Variants in LRRC8E observed in about 807,000 individuals in gnomAD.
The protein encoded by LRRC8E is leucine rich repeat containing 8 VRAC subunit E, also known as volume-regulated anion channel subunit LRRC8E.
LRRC8E carries 6 observed loss-of-function variants against 6.1 expected under a neutral mutation model. The observed-to-expected ratio is 0.98, with a 90% CI of 0.54 to 1.93. LRRC8E has a LOEUF of 1.93. LRRC8E is among the 30% of genes most tolerant of loss of function. The pLI, the probability that LRRC8E is intolerant of heterozygous loss-of-function variation, is 0.01. For missense variants in LRRC8E, 1,028 were observed against 1,031.4 expected, an observed-to-expected ratio of 1.00 and a Z score of 0.04; for synonymous variants, 485 against 472.8, an observed-to-expected ratio of 1.03 and a Z score of -0.33.
At chr19:7,890,304 G>A (rs942895330) in intron 1 of LRRC8E, among the ~76,000 whole-genome samples, 2 of 151,834 alleles carry the variant, frequency 1.3e-5, no homozygotes, top group Non-Finnish European at 2.9e-5. Flanking sequence ...GGAGCCACAT[G>A]GTCTCAGGCT....
In LRRC8E at chr19:7,900,862, G is replaced by C. The variant is rs1380790350; in HGVS notation, c.2340G>C (p.Thr780=). The change falls in exon 3 of 3, where the codon ACG becomes ACC. Residue 780 remains threonine (T), a synonymous_variant. Transcript: ENST00000306708. This position sits in a 1 kb window ranked among gnomAD's most constrained non-coding sequence, Gnocchi z 5.0. The part of the protein sequence containing the change: ...LKKAGLLVED[T]LYQGLPAEVR... ...AGGCGGGGCTCCTGGTGGAAGACAC[G>C]CTTTACCAGGGTCTGCCGGCAGAAG... 1 of 1,544,854 alleles carries C rather than the reference G, an allele frequency of 6.5e-7. No individual in the cohort carries two copies.
In LRRC8E at chr19:7,895,567, C is replaced by T. The variant is rs758009916; in HGVS notation, c.-5-32C>T. ...AGAGCCTCCCATCCTGAGGGTCTCT[C>T]TCTACACCCCCCGTCTCGTCCCGTC... On this transcript the variant is annotated intron_variant, in intron 1 of 2. Coordinates refer to ENST00000306708, the MANE Select transcript of LRRC8E (RefSeq NM_025061.6). The surrounding 1 kb of genome is among the most constrained non-coding windows in gnomAD (Gnocchi z 4.7). 117 of 1,600,266 alleles carry T rather than the reference C, an allele frequency of 7.3e-5. 1 individual carries two copies. The East Asian group carries it at 2.6e-3, about 35-fold the overall frequency.
At chr19:7,891,547 T>TG (rs1568262044) in intron 1 of LRRC8E, among the ~76,000 whole-genome samples, 13,512 of 91,464 alleles carry the variant, frequency 0.15, 844 homozygotes, top group Middle Eastern at 0.2. Flanking sequence ...GTGTGTGTGT[T>TG]TGTGTGTGTG....
In LRRC8E at chr19:7,900,455, G is replaced by C. The variant is rs373577606; in HGVS notation, c.1933G>C (p.Val645Leu). The stretch of plus-strand genomic sequence containing the variant: ...GCTGTGGCACAACCAGATCGCCTAC[G>C]TCCCTGAGCACGTGCGGAAGCTCAG... ...LRLWHNQIAY[V>L]PEHVRKLRSL... is the part of the protein sequence containing the mutation. Residue 645 changes from valine (V) to leucine (L), a missense_variant, in exon 3 of 3, where the codon GTC (valine) becomes CTC (leucine). Val to Leu is a conservative substitution (Grantham distance 32). Coordinates refer to ENST00000306708, the MANE Select transcript of LRRC8E (RefSeq NM_025061.6). This position sits in a 1 kb window ranked among gnomAD's most constrained non-coding sequence, Gnocchi z 5.0. 6.2e-7 allele frequency: 1 copy of C among 1,612,944 alleles called. No homozygotes were observed. The highest frequency in any genetic ancestry group is 8.5e-7 in the Non-Finnish European group (1 of 1,179,990).
In LRRC8E at chr19:7,898,940, C is replaced by T. The variant is rs1470300151; in HGVS notation, c.418C>T (p.Pro140Ser). The T allele has an allele frequency of 6.2e-7, 1 of 1,614,214 alleles. No individual in the cohort carries two copies. ...CTGCACCAGTTTCTGGTTCAAGTTCCCTGGCACCAGCTCCAAGATTGAACA... is the reference window on the plus strand; with the variant it reads ...CTGCACCAGTTTCTGGTTCAAGTTCTCTGGCACCAGCTCCAAGATTGAACA... ...MVCTSFWFKF[P>S]GTSSKIEHFI... The change falls in exon 3 of 3, where the codon CCT becomes TCT. Residue 140 changes from proline to serine, a missense_variant. Transcript: ENST00000306708.
intron 1 of LRRC8E, among the ~76,000 whole-genome samples, chr19:7,889,497 C>T (rs1239488453): frequency 2.0e-5 from 3 of 150,860 alleles, no homozygotes; most frequent in Admixed American, 6.6e-5. Flanking sequence ...AATCCCAGCA[C>T]TTTGGGAGGC....
rs5826988 is a variant in LRRC8E at position 7,901,019 on chromosome 19, TG to T, written c.*114del. 95 of 354,470 alleles carry T rather than the reference TG, an allele frequency of 2.7e-4. 1 individual carries two copies. The highest frequency in any genetic ancestry group is 9.0e-4 in the Middle Eastern group (1 of 1,110). 22.0% of individuals were successfully genotyped at this position (354,470 alleles called of 1,614,324 possible). ...AGCCAAGTGGGTCCAGGCCAGGAGA[TG>T]GGGGGGGCGGGGGCAGCTGTGTCAT... On this transcript the variant is annotated 3_prime_UTR_variant, in exon 3 of 3. Transcript: ENST00000306708.
rs1466408128 is a variant in LRRC8E at position 7,900,190 on chromosome 19, T to C, written c.1668T>C (p.Val556=). The C allele has an allele frequency of 2.5e-6, 4 of 1,612,846 alleles. No individual in the cohort carries two copies. The highest frequency in any genetic ancestry group is 3.4e-6 in the Non-Finnish European group (4 of 1,179,852). ...AGGTGCCAGCCAGTGTGACCGACGT[T>C]GCTGGCCACCTGCAGAGGCTCAGCC... ...AGKVPASVTD[V]AGHLQRLSLH... Residue 556 remains valine, a synonymous_variant, in exon 3 of 3, where the codon GTT becomes GTC. Transcript: ENST00000306708. The surrounding 1 kb of genome is among the most constrained non-coding windows in gnomAD (Gnocchi z 5.0).
At chr19:7,896,735 AG>A (rs1210576363) in intron 2 of LRRC8E, among the ~76,000 whole-genome samples, 4 of 152,090 alleles carry the variant, frequency 2.6e-5, no homozygotes, top group Non-Finnish European at 5.9e-5. Context: ...CTGGGATTAC[AG>A]GCACACACCA....
Position 7,900,951 on chromosome 19 carries a change from T to C in LRRC8E, c.*38T>C. 1.4e-6 allele frequency: 2 copies of C among 1,444,146 alleles called. No individual in the cohort carries two copies. The highest frequency in any genetic ancestry group is 1.8e-6 in the Non-Finnish European group (2 of 1,087,530). 89.5% of individuals were successfully genotyped at this position (1,444,146 alleles called of 1,614,324 possible). On this transcript the variant is annotated 3_prime_UTR_variant, in exon 3 of 3. Coordinates refer to ENST00000306708, the MANE Select transcript of LRRC8E (RefSeq NM_025061.6). The surrounding 1 kb of genome is among the most constrained non-coding windows in gnomAD (Gnocchi z 5.0). Reference sequence around the variant, plus strand: ...GCCGTTTTAGGTAGAGCCTTAAAAATGCTTCTGCCCTGGAATCTCAACCAT... The same window carrying C: ...GCCGTTTTAGGTAGAGCCTTAAAAACGCTTCTGCCCTGGAATCTCAACCAT...
In LRRC8E at chr19:7,895,474, G is replaced by T; in HGVS notation, c.-5-125G>T. 1 of 1,217,946 alleles carries T rather than the reference G, an allele frequency of 8.2e-7. No homozygotes were observed. Among genetic ancestry groups the T allele is most frequent in the South Asian group, 1.4e-5 (1 of 71,820 alleles). The allele number at this position is 1,217,946 out of a possible 1,614,324, so 75.4% of individuals were successfully genotyped here. A position where few individuals can be genotyped will look rare whatever the true frequency, so the allele number is the denominator to read the frequency against. On this transcript the variant is annotated intron_variant, in intron 1 of 2. Coordinates refer to ENST00000306708, the MANE Select transcript of LRRC8E (RefSeq NM_025061.6). This position sits in a 1 kb window ranked among gnomAD's most constrained non-coding sequence, Gnocchi z 4.7. ...GGAAGTGGGGGCACACACTTTGGTG[G>T]TTTGGACAAGTTTGGGCAGGGAGGG...
Position 7,900,182 on chromosome 19 carries a change from A to G in LRRC8E, c.1660A>G (p.Thr554Ala). Residue 554 changes from threonine (T) to alanine (A), a missense_variant, in exon 3 of 3, where the codon ACC becomes GCC. Coordinates refer to ENST00000306708, the MANE Select transcript of LRRC8E (RefSeq NM_025061.6). This position sits in a 1 kb window ranked among gnomAD's most constrained non-coding sequence, Gnocchi z 5.0. ...SNAGKVPASV[T>A]DVAGHLQRLS... ...CGCCGGGAAGGTGCCAGCCAGTGTG[A>G]CCGACGTTGCTGGCCACCTGCAGAG... 1 of 1,612,970 alleles carries G rather than the reference A, an allele frequency of 6.2e-7. No individual in the cohort carries two copies. The highest frequency in any genetic ancestry group is 1.3e-5 in the African/African-American group (1 of 75,014).
In LRRC8E at chr19:7,899,522, C is replaced by CT; in HGVS notation, c.1001dup (p.Phe335LeufsTer24). 1 of 1,614,026 alleles carries CT rather than the reference C, an allele frequency of 6.2e-7. No individual in the cohort carries two copies. Among genetic ancestry groups the CT allele is most frequent in the Non-Finnish European group, 8.5e-7 (1 of 1,180,044 alleles). ...TACCTGCATCTACACGCTCTACTGG[C>CT]TCTTCCACCGGCCCCTCAAGGAGTA... On this transcript the variant is annotated frameshift_variant, in exon 3 of 3. Transcript: ENST00000306708. LOFTEE classifies it low-confidence loss of function (END_TRUNC).
At chr19:7,890,903 G>A (rs1981272102) in intron 1 of LRRC8E, among the ~76,000 whole-genome samples, 1 of 152,140 alleles carries the variant, frequency 6.6e-6, no homozygotes, top group Non-Finnish European at 1.5e-5. Flanking sequence ...ACCATGTTGG[G>A]CTAGCCTGGT....
Position 7,900,071 on chromosome 19 carries a change from C to G in LRRC8E, c.1549C>G (p.Leu517Val), listed in dbSNP as rs543764327. 428 of 1,611,874 alleles carry G rather than the reference C, an allele frequency of 2.7e-4. 5 individuals carry two copies. Among genetic ancestry groups the G allele is most frequent in the Non-Finnish European group, 1.1e-4 (124 of 1,179,708 alleles). ...RGLEELHLEGLFPQELARAAT... is the reference protein window; with the variant it reads ...RGLEELHLEGVFPQELARAAT... ...CTTGGAGGAGCTGCACCTGGAGGGG[C>G]TTTTCCCCCAGGAGCTAGCTCGGGC... The change falls in exon 3 of 3, where the codon CTT becomes GTT. Residue 517 changes from leucine to valine, a missense_variant. Physicochemically the swap from Leu to Val is conservative, Grantham distance 32. Coordinates refer to ENST00000306708, the MANE Select transcript of LRRC8E (RefSeq NM_025061.6). The surrounding 1 kb of genome is among the most constrained non-coding windows in gnomAD (Gnocchi z 5.0).
At chr19:7,897,331 G>A (rs374557248) in intron 2 of LRRC8E, among the ~76,000 whole-genome samples, 13 of 151,818 alleles carry the variant, frequency 8.6e-5, no homozygotes, top group South Asian at 4.2e-4. Flanking sequence ...CACCACGCCC[G>A]GCTAATATTT....
At chr19:7,890,159 T>C (rs1981228628) in intron 1 of LRRC8E, among the ~76,000 whole-genome samples, 1 of 152,088 alleles carries the variant, frequency 6.6e-6, no homozygotes, top group African/African-American at 2.4e-5. Context: ...GCATGGGCTG[T>C]GGGTGTGGAG....
chr19:7,899,171 C>G lies in LRRC8E; in HGVS notation c.649C>G (p.Pro217Ala). The G allele has an allele frequency of 6.2e-7, 1 of 1,614,016 alleles. No individual in the cohort carries two copies. Among genetic ancestry groups the G allele is most frequent in the Non-Finnish European group, 8.5e-7 (1 of 1,179,944 alleles). ...LAEPEKVVTE[P>A]PVVTLLDKKE... ...GGAACCGGAGAAGGTGGTGACCGAG[C>G]CTCCAGTTGTCACCCTGTTGGACAA... Residue 217 changes from proline to alanine, a missense_variant, in exon 3 of 3, where the codon CCT becomes GCT. Pro to Ala is a conservative substitution (Grantham distance 27). Transcript: ENST00000306708.
chr19:7,888,894 T>C (rs1981157047), intron 1 of LRRC8E, among the ~76,000 whole-genome samples: 1 of 152,106 alleles, frequency 6.6e-6, no homozygotes, highest in Admixed American at 6.5e-5. Context: ...CACTTTCCCC[T>C]CCCCTTGGCA....
Sources: allele counts gnomAD v4.1 joint callset (sites outside exome capture counted in the v4.1 genomes callset), GRCh38; gene constraint gnomAD v4.1.1; non-coding constraint Gnocchi (gnomAD v3.1); transcripts MANE v1.5; gene names NCBI Gene and HGNC (gene_info 2026-07-23, HGNC 2026-07-21).